ADGRL4: variants seen among roughly 807,000 people sequenced by gnomAD.
ADGRL4 encodes EGF, latrophilin and seven transmembrane domain containing 1.
In ADGRL4, 90 loss-of-function variants were observed where a neutral mutation model predicts 74.8. The ratio of observed to expected loss-of-function variants is 1.20; its 90% CI spans 1.02 to 1.43. The LOEUF is 1.43. Among genes scored for constraint, ADGRL4 ranks in the 40% most tolerant of loss-of-function variants. The pLI, the probability that ADGRL4 is intolerant of heterozygous loss-of-function variation, is 0.00. For synonymous variants in ADGRL4, 311 were observed against 279.2 expected (o/e 1.11, Z -1.14); for missense variants, 881 against 814.3 (o/e 1.08, Z -1.00).
chr1:78,899,652 G>A (rs544636869), intron 12 of ADGRL4, among the ~76,000 whole-genome samples: 1 of 152,108 alleles, frequency 6.6e-6, no homozygotes, highest in Non-Finnish European at 1.5e-5. Context: ...ACCATGCTTG[G>A]CCCTATGTAG....
At chr1:78,981,229 G>T (rs1201080537) in intron 2 of ADGRL4, among the ~76,000 whole-genome samples, 4 of 151,656 alleles carry the variant, frequency 2.6e-5, no homozygotes, top group Non-Finnish European at 5.9e-5. Flanking sequence ...ACTGATTAAT[G>T]AAATGAAATC....
At position 78,929,124 on chromosome 1, in the gene ADGRL4, T is replaced by C. The variant is rs1396258064; in HGVS notation, c.878-2033A>G. ...TTAACAAAAGTCTATTATCTTTTTA[T>C]CATAAAACCATAGATCAGAGCATTG... On this transcript the variant is annotated intron_variant, in intron 7 of 14. Transcript: ENST00000370742. 2.6e-5 allele frequency among the ~76,000 whole-genome samples: 4 copies of C among 151,586 alleles called. 1 individual carries two copies. Among genetic ancestry groups the C allele is most frequent in the Admixed American group, 2.0e-4 (3 of 15,240 alleles).
Position 78,980,081 on chromosome 1 carries a change from G to A in ADGRL4, c.172+24989C>T, listed in dbSNP as rs144625695. Among the ~76,000 whole-genome samples, 324 of 151,710 alleles carry A rather than the reference G, an allele frequency of 2.1e-3. 2 individuals carry two copies. The highest frequency in any genetic ancestry group is 2.0e-3 in the Non-Finnish European group (136 of 67,890). On this transcript the variant is annotated intron_variant, in intron 2 of 14. Transcript: ENST00000370742. ...AAGAACACTAATGTTTTAGTATGTA[G>A]CTCAGGTTTCATTTTTTTTTCTAGC...
At chr1:78,891,408 C>T (rs944016375) in intron 14 of ADGRL4, 116 bp downstream of exon 14, 33 of 1,264,282 alleles carry the variant, frequency 2.6e-5, no homozygotes, top group Middle Eastern at 2.3e-4. Context: ...AACAGCTAGG[C>T]GATTTAGGCA....
Position 78,936,420 on chromosome 1 carries a change from A to T in ADGRL4, c.761-9T>A. ...AAAGAAAACTTTGAGAGCTGAAACA[A>T]AACCATGAAAATAAAAAAAGTGAAA... On this transcript the variant is annotated splice_polypyrimidine_tract_variant and intron_variant, in intron 6 of 14. Coordinates refer to ENST00000370742, the MANE Select transcript of ADGRL4 (RefSeq NM_022159.4). 1 of 1,559,642 alleles carries T rather than the reference A, an allele frequency of 6.4e-7. No individual in the cohort carries two copies. The highest frequency in any genetic ancestry group is 1.2e-5 in the South Asian group (1 of 83,276).
At chr1:78,913,469 G>A (rs906682659) in intron 12 of ADGRL4, among the ~76,000 whole-genome samples, 28 of 151,952 alleles carry the variant, frequency 1.8e-4, no homozygotes, top group Non-Finnish European at 1.5e-4. Context: ...CATGTCCTTT[G>A]CAGGGTCGTG....
rs773821244 is a variant in ADGRL4 at position 78,937,679 on chromosome 1, C to A, written c.760+128G>T. On this transcript the variant is annotated intron_variant, in intron 6 of 14. Coordinates refer to ENST00000370742, the MANE Select transcript of ADGRL4 (RefSeq NM_022159.4). ...CAATATGCATCACCATTCATTTGTACACTGATAAAACTACTTTCAATGTAA... is the reference window on the plus strand; with the variant it reads ...CAATATGCATCACCATTCATTTGTAAACTGATAAAACTACTTTCAATGTAA... 91 of 789,216 alleles carry A rather than the reference C, an allele frequency of 1.2e-4. 1 individual carries two copies. The highest frequency in any genetic ancestry group is 7.0e-5 in the South Asian group (4 of 57,226). The allele number at this position is 789,216 out of a possible 1,614,324, so 48.9% of individuals were successfully genotyped here.
rs779232944 is a variant in ADGRL4 at position 78,920,318 on chromosome 1, A to T, written c.1326T>A (p.Leu442=). The change falls in exon 10 of 15, where the codon CTT becomes CTA. Residue 442 remains leucine, a synonymous_variant. Transcript: ENST00000370742. ...ACCAGAAGGTAAAAATGCATATGGC[A>T]AGACAAATCAGTGAAATAATTATTC... ...QLGIIISLIC[L]AICIFTFWFF... is the part of the protein sequence containing the mutation. 1 of 1,610,428 alleles carries T rather than the reference A, an allele frequency of 6.2e-7. No individual in the cohort carries two copies. Among genetic ancestry groups the T allele is most frequent in the Non-Finnish European group, 8.5e-7 (1 of 1,177,368 alleles).
intron 3 of ADGRL4, among the ~76,000 whole-genome samples, chr1:78,943,032 G>T (rs1319482839): frequency 6.6e-6 from 1 of 152,006 alleles, no homozygotes; most frequent in African/African-American, 2.4e-5. Context: ...TTCAAAACAT[G>T]ATCATATGAT....
intron 12 of ADGRL4, 78 bp from the exon 13 acceptor site, chr1:78,893,267 G>A: frequency 1.2e-6 from 1 of 856,142 alleles, no homozygotes; most frequent in Non-Finnish European, 1.8e-6. Flanking sequence ...AAATGGTAAA[G>A]ATTTCAATAA....
intron 4 of ADGRL4, 112 bp downstream of exon 4, chr1:78,939,076 C>T (rs2100689344): frequency 6.2e-6 from 8 of 1,292,252 alleles, no homozygotes; most frequent in Non-Finnish European, 8.0e-6. Context: ...ACGTTTTCGA[C>T]TCTCCCTAAA....
chr1:78,939,262 T>TA lies in ADGRL4; in HGVS notation c.326-5dup, dbSNP rs1649425807. ...TGGCAGTTTGCATTCACATTTTCTG[T>TA]AAAAAAAGAAAATAGATTATACAGT... On this transcript the variant is annotated splice_polypyrimidine_tract_variant and splice_region_variant and intron_variant, in intron 3 of 14. Coordinates refer to ENST00000370742, the MANE Select transcript of ADGRL4 (RefSeq NM_022159.4). The TA allele has an allele frequency of 3.2e-6, 5 of 1,560,310 alleles. No homozygotes were observed. The highest frequency in any genetic ancestry group is 2.3e-5 in the East Asian group (1 of 42,962).
At chr1:78,973,011 A>G (rs17414106) in intron 2 of ADGRL4, among the ~76,000 whole-genome samples, 17,835 of 152,256 alleles carry the variant, frequency 0.12, 1,161 homozygotes, top group Middle Eastern at 0.16. Context: ...AAAGGAAGCC[A>G]GACAGGTGGT....
chr1:78,913,644 G>C (rs1313120162), intron 12 of ADGRL4, among the ~76,000 whole-genome samples: 2 of 151,792 alleles, frequency 1.3e-5, no homozygotes, highest in Non-Finnish European at 2.9e-5. Context: ...TGGAAGGAGG[G>C]AGAAGATCAG....
chr1:78,952,328 C>CTTTTTTTTTTTTTTTT (rs10647389), intron 2 of ADGRL4, among the ~76,000 whole-genome samples: 2 of 119,736 alleles, frequency 1.7e-5, no homozygotes, highest in Admixed American at 9.4e-5. Flanking sequence ...ACATAGAAAG[C>CTTTTTTTTTTTTTTTT]TTTTTTTTTT....
In ADGRL4 at chr1:78,930,287, C is replaced by T. The variant is rs77176990; in HGVS notation, c.878-3196G>A. ...TTTCTTTGCAAAAATTTTACAATTC[C>T]TATTTTCTCAAGGTAATATAATTTT... On this transcript the variant is annotated intron_variant, in intron 7 of 14. Coordinates refer to ENST00000370742, the MANE Select transcript of ADGRL4 (RefSeq NM_022159.4). 1.1e-3 allele frequency among the ~76,000 whole-genome samples: 171 copies of T among 148,860 alleles called. 1 individual carries two copies. The highest frequency in any genetic ancestry group is 2.0e-3 in the Admixed American group (30 of 14,960).
chr1:78,894,186 T>C (rs894672666), intron 12 of ADGRL4, among the ~76,000 whole-genome samples: 1 of 151,906 alleles, frequency 6.6e-6, no homozygotes, highest in African/African-American at 2.4e-5. Flanking sequence ...TTAAAACATT[T>C]CTTTTTTCTA....
At chr1:78,982,684 GA>G (rs1650420717) in intron 2 of ADGRL4, among the ~76,000 whole-genome samples, 1 of 151,704 alleles carries the variant, frequency 6.6e-6, no homozygotes, top group South Asian at 2.1e-4. Flanking sequence ...ATATGACAAA[GA>G]AAATAAATGT....
chr1:78,959,670 T>C (rs1016009700), intron 2 of ADGRL4, among the ~76,000 whole-genome samples: 2 of 152,194 alleles, frequency 1.3e-5, no homozygotes, highest in African/African-American at 4.8e-5. Flanking sequence ...TGAAATTCAA[T>C]TTGTATTTCC....
Sources: allele counts gnomAD v4.1 joint callset (sites outside exome capture counted in the v4.1 genomes callset), GRCh38; gene constraint gnomAD v4.1.1; transcripts MANE v1.5; gene names NCBI Gene and HGNC (gene_info 2026-07-23, HGNC 2026-07-21).